ACSM3: variants seen among roughly 807,000 people sequenced by gnomAD.
ACSM3 encodes acyl-coenzyme A synthetase ACSM3, mitochondrial.
A neutral mutation model predicts 74.1 loss-of-function variants in ACSM3; 61 were observed. That is an observed-to-expected ratio of 0.82 (90% CI 0.67 to 1.02). ACSM3 has a LOEUF of 1.02. Ranked by LOEUF, ACSM3 falls within the 50% of genes least tolerant of loss-of-function variation. ACSM3 has a pLI of 0.00. For missense variants in ACSM3, 660 were observed against 697.0 expected, an observed-to-expected ratio of 0.95 and a Z score of 0.60; for synonymous variants, 213 against 241.5, an observed-to-expected ratio of 0.88 and a Z score of 1.09.
At chr16:20,750,186 T>A (rs1028372689) in intron 2 of ACSM3, among the ~76,000 whole-genome samples, 1 of 152,244 alleles carries the variant, frequency 6.6e-6, no homozygotes, top group Non-Finnish European at 1.5e-5. Context: ...TACATATATC[T>A]ATCCCACTTA....
At chr16:20,761,852 A>G (rs1394467018), upstream of ACSM3, among the ~76,000 whole-genome samples, 4 of 152,182 alleles carry the variant, frequency 2.6e-5, no homozygotes, top group African/African-American at 9.7e-5. Context: ...TCCTCTAGGA[A>G]CACTTGACTG....
chr16:20,677,713 A>G (rs2152293835), intron 1 of ACSM3, among the ~76,000 whole-genome samples: 1 of 152,336 alleles, frequency 6.6e-6, no homozygotes, highest in African/African-American at 2.4e-5. Flanking sequence ...TCAGTAGTAG[A>G]GGTGCAGTCT....
intron 1 of ACSM3, among the ~76,000 whole-genome samples, chr16:20,716,538 A>G (rs904785763): frequency 6.6e-6 from 1 of 152,288 alleles, no homozygotes; most frequent in Admixed American, 6.5e-5. Context: ...TCCCAGGCTT[A>G]TAAACATGCT....
At chr16:20,676,658 G>C (rs186624196) in intron 1 of ACSM3, among the ~76,000 whole-genome samples, 97 of 152,314 alleles carry the variant, frequency 6.4e-4, no homozygotes, top group African/African-American at 2.2e-3. Flanking sequence ...ACTAGCAGCA[G>C]CCCTTATGGG....
chr16:20,736,152 G>A (rs1281950266), intron 1 of ACSM3: 5 of 152,164 alleles, frequency 3.3e-5, no homozygotes, highest in East Asian at 1.9e-4. Flanking sequence ...AGCTTGGACT[G>A]AGTCCACATA....
intron 4 of ACSM3, among the ~76,000 whole-genome samples, chr16:20,777,978 G>A (rs1272914159): frequency 6.6e-6 from 1 of 152,188 alleles, no homozygotes; most frequent in Non-Finnish European, 1.5e-5. Context: ...AGAGGTCCTG[G>A]CCTTTATATA....
chr16:20,692,955 G>A (rs141594601), intron 1 of ACSM3, among the ~76,000 whole-genome samples: 70 of 152,116 alleles, frequency 4.6e-4, no homozygotes, highest in Middle Eastern at 3.4e-3. Context: ...TGGATCATGA[G>A]GTCAGGAGTT....
chr16:20,727,963 T>C (rs1305781624), intron 1 of ACSM3, among the ~76,000 whole-genome samples: 1 of 152,218 alleles, frequency 6.6e-6, no homozygotes, highest in Non-Finnish European at 1.5e-5. Flanking sequence ...TAAATCTGTG[T>C]TTCAACAATG....
intron 9 of ACSM3, among the ~76,000 whole-genome samples, chr16:20,788,272 G>A (rs2080518167): frequency 6.6e-6 from 1 of 152,108 alleles, no homozygotes; most frequent in Admixed American, 6.5e-5. Context: ...CAGGGAAGTT[G>A]ATATGTAACA....
intron 1 of ACSM3, among the ~76,000 whole-genome samples, chr16:20,711,316 G>T (rs2079743109): frequency 6.6e-6 from 1 of 152,116 alleles, no homozygotes; most frequent in South Asian, 2.1e-4. Flanking sequence ...AATCTCTCAG[G>T]GATCAGAGTC....
At chr16:20,782,149 T>C (rs2080365422) in intron 7 of ACSM3, among the ~76,000 whole-genome samples, 1 of 152,230 alleles carries the variant, frequency 6.6e-6, no homozygotes, top group African/African-American at 2.4e-5. Context: ...ATGCATATCT[T>C]TTATTCTATT....
intron 2 of ACSM3, among the ~76,000 whole-genome samples, chr16:20,751,665 G>A (rs1460777909): frequency 6.6e-6 from 1 of 152,162 alleles, no homozygotes; most frequent in Non-Finnish European, 1.5e-5. Flanking sequence ...CTGTACCAGA[G>A]CTGGTCTATG....
At chr16:20,765,285 G>A (rs569142054) in intron 1 of ACSM3, among the ~76,000 whole-genome samples, 5 of 152,296 alleles carry the variant, frequency 3.3e-5, no homozygotes, top group East Asian at 1.9e-4. Context: ...GGAAATAGAA[G>A]TTGTAAAATG....
At position 20,746,020 on chromosome 16, in the gene ACSM3, C is replaced by G. The variant is rs145090056; in HGVS notation, c.-189-3890C>G. Among the ~76,000 whole-genome samples, 672 of 152,266 alleles carry G rather than the reference C, an allele frequency of 4.4e-3. 6 individuals are homozygous for G. Among genetic ancestry groups the G allele is most frequent in the Non-Finnish European group, 6.7e-3 (456 of 68,014 alleles). On this transcript the variant is annotated intron_variant, in intron 1 of 3. Transcript: ENST00000561584. ...GTAGGTATCAAGTACGATTAAAAGC[C>G]CAGGTTCTAAAGCCAAACCAAGTTC...
At chr16:20,679,039 A>C (rs190131467) in intron 1 of ACSM3, 1 of 152,286 alleles carries the variant, frequency 6.6e-6, no homozygotes, top group Admixed American at 6.5e-5. Flanking sequence ...TAACAGACCC[A>C]GTACACCCTT....
chr16:20,674,899 AC>A (rs2020173281), intron 1 of ACSM3: 1 of 152,258 alleles, frequency 6.6e-6, no homozygotes, highest in Non-Finnish European at 1.5e-5. Flanking sequence ...CCAGGGACCA[AC>A]CACTCATCCA....
intron 9 of ACSM3, chr16:20,789,463 G>GC (rs1355866098): frequency 3.2e-6 from 5 of 1,581,354 alleles, no homozygotes; most frequent in Non-Finnish European, 4.3e-6. Flanking sequence ...AGAGAGCAAG[G>GC]CTGTGGCTTA....
At chr16:20,712,089 T>C (rs2152378382) in intron 1 of ACSM3, among the ~76,000 whole-genome samples, 1 of 152,256 alleles carries the variant, frequency 6.6e-6, no homozygotes, top group East Asian at 1.9e-4. Context: ...CTAAGTGAAC[T>C]TCTCCTTGAC....
chr16:20,716,013 C>A (rs2079760328), intron 1 of ACSM3, among the ~76,000 whole-genome samples: 1 of 151,008 alleles, frequency 6.6e-6, no homozygotes, highest in Admixed American at 6.6e-5. Context: ...TCCAGCAGGA[C>A]AGTCTAAACA....
Sources: allele counts gnomAD v4.1 joint callset (sites outside exome capture counted in the v4.1 genomes callset), GRCh38; gene constraint gnomAD v4.1.1; transcripts MANE v1.5; gene names NCBI Gene and HGNC (gene_info 2026-07-23, HGNC 2026-07-21).